The following RLF variants were observed in gnomAD, a reference collection of about 807,000 sequenced individuals.
RLF encodes the protein zinc finger protein Rlf.
In RLF, 7 loss-of-function variants were observed where a neutral mutation model predicts 162.9. The observed-to-expected ratio is 0.04, with a 90% CI of 0.02 to 0.08. The LOEUF is 0.08. Ranked by LOEUF, RLF falls within the 10% of genes least tolerant of loss-of-function variation. The pLI is 1.00. For synonymous variants in RLF, 782 were observed against 791.5 expected, an observed-to-expected ratio of 0.99 and a Z score of 0.20; for missense variants, 1,664 against 2,244.7, an observed-to-expected ratio of 0.74 and a Z score of 5.23.
At chr1:40,201,792 C>G (rs1299505266) in intron 4 of RLF, among the ~76,000 whole-genome samples, 1 of 152,060 alleles carries the variant, frequency 6.6e-6, no homozygotes, top group Non-Finnish European at 1.5e-5. Flanking sequence ...ACATGTTTTA[C>G]AGGTTACTAA....
At chr1:40,193,584 C>T (rs960125501) in intron 3 of RLF, among the ~76,000 whole-genome samples, 2 of 152,018 alleles carry the variant, frequency 1.3e-5, no homozygotes, top group South Asian at 2.1e-4. Flanking sequence ...AAAGTAAACG[C>T]GAGTCATTCT....
At chr1:40,172,099 T>C (rs545007180) in intron 1 of RLF, among the ~76,000 whole-genome samples, 17 of 152,192 alleles carry the variant, frequency 1.1e-4, no homozygotes, top group Non-Finnish European at 2.2e-4. Context: ...AGAAATTGCA[T>C]TGATTTTAAA....
At chr1:40,177,843 G>A (rs1010590708) in intron 1 of RLF, 3 of 152,104 alleles carry the variant, frequency 2.0e-5, no homozygotes, top group African/African-American at 4.8e-5. Flanking sequence ...AAAATCACTC[G>A]TGCTTGCTTC....
intron 4 of RLF, among the ~76,000 whole-genome samples, chr1:40,200,918 A>AGTGGTTTAT (rs1392931671): frequency 6.5e-5 from 8 of 123,428 alleles, no homozygotes; most frequent in African/African-American, 2.8e-4. Flanking sequence ...ACACACACAC[A>AGTGGTTTAT]CACACACACA....
In RLF at chr1:40,235,819, A is replaced by G. The variant is rs764237211; in HGVS notation, c.1117A>G (p.Ile373Val). The change falls in exon 8 of 8, where the codon ATT becomes GTT. Residue 373 changes from isoleucine (I) to valine (V), a missense_variant. Ile to Val is a conservative substitution (Grantham distance 29, BLOSUM62 3). Transcript: ENST00000372771. ...ACAAGATGCTGGTCTTGGGGTGTCA[A>G]TTTTACTGTGTGTCAGAGCTCTTCA... is the stretch of plus-strand genomic sequence containing the variant. ...EAQDAGLGVS[I>V]LLCVRALQLR... 8.1e-6 allele frequency: 13 copies of G among 1,600,686 alleles called. No individual in the cohort carries two copies. Among genetic ancestry groups the G allele is most frequent in the East Asian group, 6.7e-5 (3 of 44,728 alleles).
chr1:40,197,753 T>A lies in RLF; in HGVS notation c.607+1989T>A, dbSNP rs142510387. 2.4e-3 allele frequency among the ~76,000 whole-genome samples: 367 copies of A among 152,288 alleles called. 2 individuals are homozygous for A. The highest frequency in any genetic ancestry group is 8.3e-3 in the African/African-American group (344 of 41,550). ...CAAGGAATTATGTTGAGGACCACAG[T>A]ATAAGTGGTGGGTAACATGTAGCCT... On this transcript the variant is annotated intron_variant, in intron 4 of 7. Coordinates refer to ENST00000372771, the MANE Select transcript of RLF (RefSeq NM_012421.4).
At chr1:40,207,348 G>A (rs1025595791) in intron 5 of RLF, among the ~76,000 whole-genome samples, 6 of 152,136 alleles carry the variant, frequency 3.9e-5, no homozygotes, top group Admixed American at 2.6e-4. Context: ...AACTTTGCTT[G>A]GAGGTCTTTT....
At chr1:40,214,164 A>G (rs979335575) in intron 5 of RLF, among the ~76,000 whole-genome samples, 1 of 152,220 alleles carries the variant, frequency 6.6e-6, no homozygotes, top group African/African-American at 2.4e-5. Flanking sequence ...TTTATTCAGT[A>G]TACATTCATT....
At chr1:40,225,300 C>T (rs1478538362) in intron 6 of RLF, among the ~76,000 whole-genome samples, 1 of 152,040 alleles carries the variant, frequency 6.6e-6, no homozygotes, top group Non-Finnish European at 1.5e-5. Flanking sequence ...AGCTATTGGC[C>T]AGGCGCAGTA....
intron 1 of RLF, among the ~76,000 whole-genome samples, chr1:40,169,965 C>T (rs1001675013): frequency 6.6e-6 from 1 of 152,066 alleles, no homozygotes; most frequent in Non-Finnish European, 1.5e-5. Flanking sequence ...GCTGGGATTA[C>T]AGGCGTGAGC....
intron 6 of RLF, among the ~76,000 whole-genome samples, chr1:40,230,496 A>G (rs1392374059): frequency 6.6e-6 from 1 of 152,026 alleles, no homozygotes; most frequent in East Asian, 1.9e-4. Context: ...CAGTGGCGCT[A>G]TCTCAGCTCA....
intron 2 of RLF, among the ~76,000 whole-genome samples, chr1:40,190,384 ATATATT>A (rs562765388): frequency 8.5e-5 from 13 of 152,236 alleles, no homozygotes; most frequent in Admixed American, 5.9e-4. Flanking sequence ...TAACAGTTAC[ATATATT>A]TATCATTTAT....
At chr1:40,221,549 C>A (rs981886741) in intron 5 of RLF, among the ~76,000 whole-genome samples, 2 of 151,742 alleles carry the variant, frequency 1.3e-5, no homozygotes, top group Non-Finnish European at 2.9e-5. Context: ...GAACCACCCC[C>A]TTGTAACTGC....
At chr1:40,189,408 C>G (rs758094876) in intron 2 of RLF, among the ~76,000 whole-genome samples, 199 bp downstream of exon 2, 2 of 152,284 alleles carry the variant, frequency 1.3e-5, no homozygotes, top group Middle Eastern at 3.4e-3. Flanking sequence ...TCATCTTTAA[C>G]TTGCCTCTAG....
At chr1:40,199,867 A>G (rs960316850) in intron 4 of RLF, among the ~76,000 whole-genome samples, 9 of 152,242 alleles carry the variant, frequency 5.9e-5, no homozygotes, top group Admixed American at 5.9e-4. Context: ...TTACTAGGAC[A>G]TAATAACTAA....
intron 5 of RLF, among the ~76,000 whole-genome samples, 177 bp downstream of exon 5, chr1:40,202,791 A>G (rs1163867279): frequency 6.6e-6 from 1 of 152,224 alleles, no homozygotes; most frequent in African/African-American, 2.4e-5. Flanking sequence ...GTAATATTTT[A>G]GAGTGAATTT....
intron 1 of RLF, among the ~76,000 whole-genome samples, chr1:40,178,535 C>T (rs978556218): frequency 6.7e-6 from 1 of 150,110 alleles, no homozygotes; most frequent in Non-Finnish European, 1.5e-5. Flanking sequence ...GAAATATATA[C>T]TTAAAAATTG....
intron 1 of RLF, among the ~76,000 whole-genome samples, chr1:40,188,571 G>A (rs1025603190): frequency 6.6e-6 from 1 of 151,072 alleles, no homozygotes; most frequent in African/African-American, 2.4e-5. Context: ...TTAGAAATTA[G>A]TTAGCATAAA....
intron 3 of RLF, among the ~76,000 whole-genome samples, chr1:40,191,552 A>G (rs1453376098): frequency 6.6e-6 from 1 of 151,744 alleles, no homozygotes; most frequent in African/African-American, 2.4e-5. Flanking sequence ...AAAAAAAAAA[A>G]AGACATAATA....
Sources: allele counts gnomAD v4.1 joint callset (sites outside exome capture counted in the v4.1 genomes callset), GRCh38; gene constraint gnomAD v4.1.1; transcripts MANE v1.5; gene names NCBI Gene and HGNC (gene_info 2026-07-23, HGNC 2026-07-21).